PCDHGA3: variants seen among roughly 807,000 people sequenced by gnomAD.
PCDHGA3 encodes protocadherin gamma subfamily A, 3.
PCDHGA3 carries 40 observed loss-of-function variants against 58.5 expected under a neutral mutation model. The observed-to-expected ratio is 0.68, with a 90% CI of 0.53 to 0.89. The LOEUF (loss-of-function observed/expected upper bound fraction) is 0.89. PCDHGA3 is among the 40% of genes least tolerant of loss of function. The pLI is 0.00. For missense variants in PCDHGA3, 1,223 were observed against 1,195.9 expected (o/e 1.02, Z -0.33); for synonymous variants, 530 against 525.7 (o/e 1.01, Z -0.11).
Position 141,356,227 on chromosome 5 carries a change from A to T in PCDHGA3, c.2424+9770A>T, listed in dbSNP as rs1760158327. 5 of 1,593,622 alleles carry T rather than the reference A, an allele frequency of 3.1e-6. No homozygotes were observed. In the East Asian group the frequency reaches 1.1e-4, roughly 36 times the overall value. On this transcript the variant is annotated intron_variant, in intron 1 of 3. Coordinates refer to ENST00000253812, the MANE Select transcript of PCDHGA3 (RefSeq NM_018916.4). ...GGTGACAGTTCTGGATGAAAATGAC[A>T]ACGCACCAGAAGTCACAGTTACATC... is the stretch of plus-strand genomic sequence containing the variant.
At chr5:141,503,284 G>C (rs899456087) in intron 2 of PCDHGA3, among the ~76,000 whole-genome samples, 2 of 152,044 alleles carry the variant, frequency 1.3e-5, no homozygotes, top group African/African-American at 4.8e-5. Flanking sequence ...TCTGTGTCTG[G>C]TACATAGAAA....
chr5:141,390,183 T>C (rs532412915), intron 1 of PCDHGA3: 2 of 1,614,034 alleles, frequency 1.2e-6, no homozygotes, highest in Admixed American at 1.7e-5. Context: ...TTTCCTAAAA[T>C]GTAGTGAGCA....
At chr5:141,400,819 C>A (rs1316119038) in intron 1 of PCDHGA3, among the ~76,000 whole-genome samples, 1 of 152,132 alleles carries the variant, frequency 6.6e-6, no homozygotes, top group African/African-American at 2.4e-5. Flanking sequence ...TTTACCTATT[C>A]GTTGTCTCAT....
rs556415227 is a variant in PCDHGA3, at chr5:141,476,903, G to A, written c.2425-17904G>A. ...GGAGGATGCACCCTCCGGCACGCGC[G>A]TGGTACAAGTCCTTGCAACGGATCT... On this transcript the variant is annotated intron_variant, in intron 1 of 3. Transcript: ENST00000253812. This position sits in a 1 kb window ranked among gnomAD's most constrained non-coding sequence, Gnocchi z 7.6. The A allele has an allele frequency of 1.4e-5, 22 of 1,614,018 alleles. No homozygotes were observed. In the African/African-American group the frequency reaches 1.7e-4, roughly 13 times the overall value.
In PCDHGA3 at chr5:141,419,962, GCT is replaced by G. The variant is rs1374844110; in HGVS notation, c.2424+73508_2424+73509del. ...TGGTGGCCTTGGCCTTGATTTCTGTGCTCTTTCTCCTCGCGGTGATTCTAGCT... is the reference window on the plus strand; with the variant it reads ...TGGTGGCCTTGGCCTTGATTTCTGTGCTTTCTCCTCGCGGTGATTCTAGCT... On this transcript the variant is annotated intron_variant, in intron 1 of 3. Coordinates refer to ENST00000253812, the MANE Select transcript of PCDHGA3 (RefSeq NM_018916.4). The G allele has an allele frequency of 3.1e-6, 5 of 1,613,974 alleles. No homozygotes were observed. In the African/African-American group the frequency reaches 4.0e-5, roughly 13 times the overall value.
At chr5:141,402,910 G>A in intron 1 of PCDHGA3, 2 of 1,549,722 alleles carry the variant, frequency 1.3e-6, no homozygotes, top group Non-Finnish European at 1.7e-6. Context: ...ATGAAGCAGC[G>A]CGCACAGAGA....
intron 1 of PCDHGA3, chr5:141,471,645 T>G (rs891817778): frequency 1.3e-5 from 2 of 152,178 alleles, no homozygotes; most frequent in Non-Finnish European, 2.9e-5. Context: ...AGTAATATAC[T>G]GGATGTGGGG....
chr5:141,372,007 G>T, intron 1 of PCDHGA3: 3 of 1,613,298 alleles, frequency 1.9e-6, no homozygotes, highest in Non-Finnish European at 2.5e-6. Flanking sequence ...CGCGACCAGG[G>T]CTCGCCTACG....
intron 1 of PCDHGA3, chr5:141,365,395 G>C (rs753717509): frequency 3.7e-6 from 6 of 1,613,978 alleles, no homozygotes; most frequent in Non-Finnish European, 5.1e-6. Flanking sequence ...TGACCAGTTC[G>C]ATCTCTGAAG....
intron 1 of PCDHGA3, chr5:141,360,825 CA>C (rs765723429): frequency 1.9e-6 from 3 of 1,613,960 alleles, no homozygotes; most frequent in Non-Finnish European, 2.5e-6. Flanking sequence ...AAATCCGAAT[CA>C]AAGTCACGGA....
chr5:141,346,701 G>T (rs1372558580), intron 1 of PCDHGA3, among the ~76,000 whole-genome samples: 1 of 152,176 alleles, frequency 6.6e-6, no homozygotes, highest in Non-Finnish European at 1.5e-5. Context: ...CTTCCTAGAG[G>T]AATCTGCCAC....
Position 141,399,843 on chromosome 5 carries a change from T to C in PCDHGA3, c.2424+53386T>C, listed in dbSNP as rs1452069886. ...GTCCCGACGGCTCTGCGCTCTTCGATATGGTGCCGCGCGCTGCAGAGCCCG... is the reference window on the plus strand; with the variant it reads ...GTCCCGACGGCTCTGCGCTCTTCGACATGGTGCCGCGCGCTGCAGAGCCCG... On this transcript the variant is annotated intron_variant, in intron 1 of 3. Coordinates refer to ENST00000253812, the MANE Select transcript of PCDHGA3 (RefSeq NM_018916.4). 2.5e-6 allele frequency: 4 copies of C among 1,612,848 alleles called. No homozygotes were observed. The African/African-American group carries it at 5.3e-5, about 22-fold the overall frequency.
At chr5:141,381,071 G>T (rs1343917347) in intron 1 of PCDHGA3, among the ~76,000 whole-genome samples, 1 of 152,172 alleles carries the variant, frequency 6.6e-6, no homozygotes, top group Non-Finnish European at 1.5e-5. Context: ...GATAACTATG[G>T]ATTATTTTGA....
At chr5:141,445,213 A>C (rs775782586) in intron 1 of PCDHGA3, among the ~76,000 whole-genome samples, 1 of 152,226 alleles carries the variant, frequency 6.6e-6, no homozygotes, top group Non-Finnish European at 1.5e-5. Context: ...TTGAAAAGTA[A>C]GAGGTGCAAA....
At position 141,346,232 on chromosome 5, in the gene PCDHGA3, G is replaced by C. The variant is rs369304431; in HGVS notation, c.2199G>C (p.Ala733=). ...TGCAGGCTTCGGGAGGCGGCTTGGC[G>C]AGTACGCCCGGCTCGCACTTTGTGG... ...RLLQASGGGL[A]STPGSHFVGA... Residue 733 remains alanine, a synonymous_variant, in exon 1 of 4, where the codon GCG becomes GCC. Transcript: ENST00000253812. The C allele has an allele frequency of 6.2e-7, 1 of 1,614,170 alleles. No individual in the cohort carries two copies. The highest frequency in any genetic ancestry group is 8.5e-7 in the Non-Finnish European group (1 of 1,180,046).
At chr5:141,433,612 G>A (rs1181458593) in intron 1 of PCDHGA3, among the ~76,000 whole-genome samples, 1 of 152,082 alleles carries the variant, frequency 6.6e-6, no homozygotes, top group Non-Finnish European at 1.5e-5. Context: ...GAGGCGGGTG[G>A]ATCACCTGAG....
intron 1 of PCDHGA3, chr5:141,372,026 C>T (rs1469685060): frequency 6.2e-7 from 1 of 1,613,330 alleles, no homozygotes; most frequent in Non-Finnish European, 8.5e-7. Flanking sequence ...CGCTCAGCGC[C>T]AACGTGAGCC....
intron 1 of PCDHGA3, chr5:141,400,004 G>T (rs750835037): frequency 2.5e-6 from 4 of 1,612,420 alleles, no homozygotes; most frequent in East Asian, 2.2e-5. Flanking sequence ...CGCACAGCGC[G>T]TGCCTTGGGC....
At chr5:141,424,022 AAC>A (rs1390245883) in intron 1 of PCDHGA3, 1 of 1,046,586 alleles carries the variant, frequency 9.6e-7, no homozygotes, top group Non-Finnish European at 1.2e-6. Flanking sequence ...ATGATTCACA[AAC>A]ACTTTTTATT....
Sources: allele counts gnomAD v4.1 joint callset (sites outside exome capture counted in the v4.1 genomes callset), GRCh38; gene constraint gnomAD v4.1.1; non-coding constraint Gnocchi (gnomAD v3.1); transcripts MANE v1.5; gene names NCBI Gene and HGNC (gene_info 2026-07-23, HGNC 2026-07-21).